Variants in NIPSNAP1 observed in about 807,000 individuals in gnomAD.
NIPSNAP1 encodes nipsnap homolog 1.
NIPSNAP1 carries 25 observed loss-of-function variants against 49.2 expected under a neutral mutation model. The observed-to-expected ratio is 0.51, with a 90% confidence interval of 0.37 to 0.71. The LOEUF is 0.71. Ranked by LOEUF, NIPSNAP1 falls within the 30% of genes least tolerant of loss-of-function variation. The pLI is 0.00. For missense variants in NIPSNAP1, 294 were observed against 361.0 expected, an observed-to-expected ratio of 0.81 and a Z score of 1.50; for synonymous variants, 143 against 140.7, an observed-to-expected ratio of 1.02 and a Z score of -0.12.
Position 29,575,898 on chromosome 22 carries a change from G to C in NIPSNAP1, c.98+5087C>G, listed in dbSNP as rs2064448364. The stretch of plus-strand genomic sequence containing the variant: ...TCCAGCTAATTTTTTATTTTTAGTA[G>C]AGATGGGTTTTCACCATGTTAGCCA... On this transcript the variant is annotated intron_variant, in intron 1 of 9. Transcript: ENST00000216121. Among the ~76,000 whole-genome samples, 4 of 151,844 alleles carry C rather than the reference G, an allele frequency of 2.6e-5. No homozygotes were observed. The South Asian group carries it at 8.3e-4, about 31-fold the overall frequency.
chr22:29,566,361 G>A (rs1419706635), intron 4 of NIPSNAP1, among the ~76,000 whole-genome samples: 3 of 151,882 alleles, frequency 2.0e-5, no homozygotes, highest in Admixed American at 6.6e-5. Flanking sequence ...AGGCTGGAGT[G>A]CAGTGGCTAT....
chr22:29,570,614 C>G, intron 1 of NIPSNAP1, 82 bp from the exon 2 acceptor site: 1 of 1,537,456 alleles, frequency 6.5e-7, no homozygotes, highest in Non-Finnish European at 8.8e-7. Context: ...TCCTGCTCCC[C>G]TAGACCAGTG....
At chr22:29,558,464 G>C (rs759751489) in intron 9 of NIPSNAP1, among the ~76,000 whole-genome samples, 2 of 152,032 alleles carry the variant, frequency 1.3e-5, no homozygotes, top group African/African-American at 2.4e-5. Flanking sequence ...GTGAGACTGT[G>C]TCTCAAAAAT....
chr22:29,565,538 G>T (rs2064363162), intron 4 of NIPSNAP1, among the ~76,000 whole-genome samples: 3 of 151,696 alleles, frequency 2.0e-5, no homozygotes, highest in Admixed American at 2.0e-4. Flanking sequence ...GAAAAAGTCA[G>T]GATCCCATCC....
At chr22:29,565,130 G>A (rs2064360565) in intron 4 of NIPSNAP1, among the ~76,000 whole-genome samples, 1 of 152,052 alleles carries the variant, frequency 6.6e-6, no homozygotes, top group Non-Finnish European at 1.5e-5. Flanking sequence ...CCTGAGCCTA[G>A]GAGTTCAAGG....
At chr22:29,578,841 C>G (rs1459223936) in intron 1 of NIPSNAP1, among the ~76,000 whole-genome samples, 2 of 151,156 alleles carry the variant, frequency 1.3e-5, no homozygotes, top group Non-Finnish European at 2.9e-5. Flanking sequence ...GCTCCTTTTA[C>G]AGCCTCTGGG....
At chr22:29,563,180 C>T (rs995012382) in intron 4 of NIPSNAP1, among the ~76,000 whole-genome samples, 7 of 151,714 alleles carry the variant, frequency 4.6e-5, no homozygotes, top group East Asian at 1.9e-4. Flanking sequence ...GCAGGAGAAT[C>T]GCTTGAACCC....
At chr22:29,567,921 C>T (rs1052935515) in intron 4 of NIPSNAP1, among the ~76,000 whole-genome samples, 3 of 151,592 alleles carry the variant, frequency 2.0e-5, no homozygotes, top group African/African-American at 7.3e-5. Flanking sequence ...CTCATGTCTA[C>T]AATCCTAGCA....
chr22:29,573,556 G>A (rs540614736), intron 1 of NIPSNAP1, among the ~76,000 whole-genome samples: 5 of 151,982 alleles, frequency 3.3e-5, no homozygotes, highest in African/African-American at 4.8e-5. Flanking sequence ...ATTACCTGAG[G>A]TCGGGAGTTT....
chr22:29,565,985 G>A (rs1285438210), intron 4 of NIPSNAP1, among the ~76,000 whole-genome samples: 2 of 152,150 alleles, frequency 1.3e-5, no homozygotes, highest in African/African-American at 4.8e-5. Context: ...TTCATGGCTA[G>A]GAGTGTTCAA....
chr22:29,559,894 G>A (rs745921486), intron 8 of NIPSNAP1, among the ~76,000 whole-genome samples: 4 of 152,130 alleles, frequency 2.6e-5, no homozygotes, highest in Non-Finnish European at 5.9e-5. Context: ...AATCATACTA[G>A]AACAAAAATC....
At chr22:29,577,441 C>T (rs919059791) in intron 1 of NIPSNAP1, among the ~76,000 whole-genome samples, 10 of 146,120 alleles carry the variant, frequency 6.8e-5, no homozygotes, top group Non-Finnish European at 1.2e-4. Flanking sequence ...TTTCTTGAGA[C>T]GAAGTCTCGC....
In NIPSNAP1 at chr22:29,561,779, G is replaced by T. The variant is rs767502401; in HGVS notation, c.438+13C>A. 1.2e-6 allele frequency: 2 copies of T among 1,613,906 alleles called. 1 individual carries two copies. Among genetic ancestry groups the T allele is most frequent in the South Asian group, 2.2e-5 (2 of 91,064 alleles). On this transcript the variant is annotated intron_variant, in intron 5 of 9. Transcript: ENST00000216121. ...CACATCCAGAGAGGTGTGCTGAGTG[G>T]ACACTAACATACCTTATTGTTTTTG... is the stretch of plus-strand genomic sequence containing the variant.
At chr22:29,558,981 C>A in intron 8 of NIPSNAP1, 28 bp from the exon 9 acceptor site, 1 of 1,563,358 alleles carries the variant, frequency 6.4e-7, no homozygotes, top group East Asian at 2.2e-5. Context: ...GCTCATTCCT[C>A]AGGCACAGAG....
At position 29,577,360 on chromosome 22, in the gene NIPSNAP1, C is replaced by A. The variant is rs576318660; in HGVS notation, c.98+3625G>T. Among the ~76,000 whole-genome samples the A allele has an allele frequency of 2.0e-5, 3 of 151,206 alleles. No individual in the cohort carries two copies. In the East Asian group the frequency reaches 5.8e-4, roughly 29 times the overall value. On this transcript the variant is annotated intron_variant, in intron 1 of 9. Transcript: ENST00000216121. ...TTCCACCTCCCAGGTTCAAGGGATT[C>A]TCCTGCCTCAGCCTCCGGAGTAGTT... is the stretch of plus-strand genomic sequence containing the variant.
chr22:29,573,979 G>A (rs1298591678), intron 1 of NIPSNAP1, among the ~76,000 whole-genome samples: 1 of 151,284 alleles, frequency 6.6e-6, no homozygotes, highest in Non-Finnish European at 1.5e-5. Context: ...AAAGAGGCTG[G>A]GCATGGTGGC....
At chr22:29,556,940 G>T (rs938687900) in intron 9 of NIPSNAP1, among the ~76,000 whole-genome samples, 1 of 151,612 alleles carries the variant, frequency 6.6e-6, no homozygotes, top group Non-Finnish European at 1.5e-5. Flanking sequence ...GTAGAGACAG[G>T]GTTTCTCCAT....
rs746341568 is a variant in NIPSNAP1 at position 29,561,877 on chromosome 22, A to T, written c.368-15T>A. ...CCACAGGTGCACTGTTGGGGGTGAG[A>T]GGTATAGGTCAGTGAGCTGCTGGGA... On this transcript the variant is annotated splice_polypyrimidine_tract_variant and intron_variant, in intron 4 of 9. Transcript: ENST00000216121. 6 of 1,613,652 alleles carry T rather than the reference A, an allele frequency of 3.7e-6. No individual in the cohort carries two copies. The highest frequency in any genetic ancestry group is 5.1e-6 in the Non-Finnish European group (6 of 1,179,798).
chr22:29,567,832 G>C (rs1341484547), intron 4 of NIPSNAP1, among the ~76,000 whole-genome samples: 1 of 151,428 alleles, frequency 6.6e-6, no homozygotes, highest in Non-Finnish European at 1.5e-5. Context: ...TCCCCACTGG[G>C]TAACAAGACC....
Sources: gnomAD v4.1 joint callset for allele counts (sites outside exome capture counted in the v4.1 genomes callset) on GRCh38, gnomAD v4.1.1 for gene constraint, MANE v1.5 for transcripts, NCBI Gene and HGNC (gene_info 2026-07-23, HGNC 2026-07-21) for gene names.